Variants in PDE10A observed in about 807,000 individuals in gnomAD.
PDE10A encodes the protein cAMP and cAMP-inhibited cGMP 3',5'-cyclic phosphodiesterase 10A.
Under a neutral mutation model 97.7 loss-of-function variants are expected in PDE10A, and 39 were observed. The ratio of observed to expected loss-of-function variants is 0.40; its 90% CI spans 0.31 to 0.52. The LOEUF (loss-of-function observed/expected upper bound fraction) is 0.52, where lower values mean the gene tolerates loss of function less well. Ranked by LOEUF, PDE10A falls within the 20% of genes least tolerant of loss-of-function variation. PDE10A has a pLI of 0.56. For missense variants in PDE10A, 731 were observed against 1,047.8 expected (o/e 0.70, Z 4.17); for synonymous variants, 371 against 376.8 (o/e 0.98, Z 0.18).
chr6:165,348,429 T>A (rs1326161139), intron 18 of PDE10A, among the ~76,000 whole-genome samples: 1 of 152,240 alleles, frequency 6.6e-6, no homozygotes, highest in Non-Finnish European at 1.5e-5. Context: ...TTAGCCATAA[T>A]GGGACCATGC....
intron 1 of PDE10A, among the ~76,000 whole-genome samples, chr6:165,812,414 A>G (rs1392579917): frequency 6.6e-6 from 1 of 150,596 alleles, no homozygotes; most frequent in African/African-American, 2.4e-5. Context: ...AGCAATGAAT[A>G]TCAAAGAACT....
At chr6:165,719,554 G>T (rs969684075) in intron 1 of PDE10A, among the ~76,000 whole-genome samples, 2 of 152,196 alleles carry the variant, frequency 1.3e-5, no homozygotes, top group Non-Finnish European at 2.9e-5. Flanking sequence ...GAAAGCATGA[G>T]ATACTGGGAG....
intron 2 of PDE10A, among the ~76,000 whole-genome samples, chr6:165,522,124 A>G (rs1356492389): frequency 6.6e-6 from 1 of 152,110 alleles, no homozygotes; most frequent in Non-Finnish European, 1.5e-5. Context: ...CAGACCAACA[A>G]TGAGTTCCAC....
chr6:165,746,932 T>C (rs3002432), intron 1 of PDE10A, among the ~76,000 whole-genome samples: 2,259 of 152,350 alleles, frequency 0.015, 52 homozygotes, highest in African/African-American at 0.052. Context: ...TCACTGGTGA[T>C]AATTTTCCTT....
At chr6:165,425,092 A>G (rs1789019580) in intron 10 of PDE10A, among the ~76,000 whole-genome samples, 1 of 152,202 alleles carries the variant, frequency 6.6e-6, no homozygotes, top group Non-Finnish European at 1.5e-5. Flanking sequence ...TAAGTACTGT[A>G]AAAACTGGAA....
At chr6:165,607,567 A>G (rs1028887156) in intron 1 of PDE10A, among the ~76,000 whole-genome samples, 6 of 152,168 alleles carry the variant, frequency 3.9e-5, no homozygotes, top group African/African-American at 1.4e-4. Flanking sequence ...TCACACCATC[A>G]GGACGTCACC....
intron 1 of PDE10A, among the ~76,000 whole-genome samples, chr6:165,898,930 T>C: frequency 6.6e-6 from 1 of 152,200 alleles, no homozygotes; most frequent in East Asian, 1.9e-4. Context: ...CATTCCCCCA[T>C]TTCTTTGGGT....
At position 165,473,508 on chromosome 6, in the gene PDE10A, T is replaced by C. The variant is rs1180797272; in HGVS notation, c.1023+8807A>G. Among the ~76,000 whole-genome samples, 5 of 152,176 alleles carry C rather than the reference T, an allele frequency of 3.3e-5. No individual in the cohort carries two copies. In the East Asian group the frequency reaches 9.6e-4, roughly 29 times the overall value. ...AGAAGAGAGTCCATGGAAAGACATT[T>C]TGATATACAGAATAACAACAAGGGC... is the stretch of plus-strand genomic sequence containing the variant. On this transcript the variant is annotated intron_variant, in intron 3 of 21. Coordinates refer to ENST00000539869, the MANE Select transcript of PDE10A (RefSeq NM_001385079.1).
At position 165,825,150 on chromosome 6, in the gene PDE10A, AAAAAAAAAAAAAGAAAAAG is replaced by A. The variant is rs1274605621; in HGVS notation, c.-615+162360_-615+162378del. The stretch of plus-strand genomic sequence containing the variant: ...GCAACAGAAAGACTCCATCTCAAAA[AAAAAAAAAAAAAGAAAAAG>A]AAAAAAAAAGAAAGGGGGGCATTTG... On this transcript the variant is annotated intron_variant, in intron 1 of 19. Coordinates refer to the PDE10A transcript ENST00000366882. 2.9e-5 allele frequency among the ~76,000 whole-genome samples: 3 copies of A among 103,450 alleles called. No homozygotes were observed. The Admixed American group carries it at 3.7e-4, about 13-fold the overall frequency. 67.9% of individuals were successfully genotyped at this position (103,450 alleles called of 152,430 possible).
At chr6:165,825,844 T>C (rs976065793) in intron 1 of PDE10A, among the ~76,000 whole-genome samples, 1 of 152,194 alleles carries the variant, frequency 6.6e-6, no homozygotes, top group Non-Finnish European at 1.5e-5. Flanking sequence ...CTCCCAACTT[T>C]CTTTCCATCA....
intron 2 of PDE10A, among the ~76,000 whole-genome samples, chr6:165,517,466 T>A (rs1222496884): frequency 1.3e-5 from 2 of 152,204 alleles, no homozygotes; most frequent in Non-Finnish European, 2.9e-5. Flanking sequence ...TTATTTAAAA[T>A]AGCATTAATA....
chr6:165,736,420 T>G (rs1345044366), intron 1 of PDE10A, among the ~76,000 whole-genome samples: 1 of 152,018 alleles, frequency 6.6e-6, no homozygotes, highest in Non-Finnish European at 1.5e-5. Context: ...TCTCCCAAGC[T>G]CAGTGTCAAG....
At position 165,725,084 on chromosome 6, in the gene PDE10A, G is replaced by A. The variant is rs551044648; in HGVS notation, c.-614-181516C>T. 4.6e-5 allele frequency among the ~76,000 whole-genome samples: 7 copies of A among 152,314 alleles called. No individual in the cohort carries two copies. In the South Asian group the frequency reaches 1.5e-3, roughly 32 times the overall value. On this transcript the variant is annotated intron_variant, in intron 1 of 19. Transcript: ENST00000366882. ...GTGGTCAGAGGAGAGTCCGGCTGCT[G>A]AGCAGCCTGACTCCAGGGGAAGACC...
intron 1 of PDE10A, among the ~76,000 whole-genome samples, chr6:165,847,606 A>G (rs1780456007): frequency 6.6e-6 from 1 of 152,248 alleles, no homozygotes; most frequent in Non-Finnish European, 1.5e-5. Flanking sequence ...CTCATATGCT[A>G]ATGAGCTGAA....
At chr6:165,568,606 C>T (rs766642988) in intron 1 of PDE10A, among the ~76,000 whole-genome samples, 14 of 152,122 alleles carry the variant, frequency 9.2e-5, no homozygotes, top group Admixed American at 4.6e-4. Flanking sequence ...GTCATGGTAT[C>T]CCAGTGTCTG....
intron 1 of PDE10A, among the ~76,000 whole-genome samples, chr6:165,689,007 CAG>C (rs1463665921): frequency 2.0e-5 from 3 of 152,132 alleles, no homozygotes; most frequent in Non-Finnish European, 1.5e-5. Flanking sequence ...CAGTGAAAAA[CAG>C]AAGCAAAAAG....
intron 1 of PDE10A, among the ~76,000 whole-genome samples, chr6:165,596,790 T>C (rs947151716): frequency 2.0e-5 from 3 of 152,156 alleles, no homozygotes; most frequent in Admixed American, 6.5e-5. Flanking sequence ...CTTCCTGTCT[T>C]ACTCAGAGAG....
At chr6:165,453,249 T>C (rs561342115) in intron 3 of PDE10A, among the ~76,000 whole-genome samples, 1 of 152,306 alleles carries the variant, frequency 6.6e-6, no homozygotes, top group East Asian at 1.9e-4. Context: ...AGGTGGAATT[T>C]GTAATTAAAA....
intron 1 of PDE10A, among the ~76,000 whole-genome samples, chr6:165,829,996 G>GT (rs1364252091): frequency 1.3e-5 from 2 of 152,176 alleles, no homozygotes; most frequent in Non-Finnish European, 1.5e-5. Flanking sequence ...TTTAGGGTCT[G>GT]TGTGGCAGCG....
Sources: gnomAD v4.1 joint callset for allele counts (sites outside exome capture counted in the v4.1 genomes callset) on GRCh38, gnomAD v4.1.1 for gene constraint, MANE v1.5 for transcripts, NCBI Gene and HGNC (gene_info 2026-07-23, HGNC 2026-07-21) for gene names.